The following CMSS1 variants were observed in gnomAD, a reference collection of about 807,000 sequenced individuals.
CMSS1 encodes cms1 ribosomal small subunit homolog.
A neutral mutation model predicts 43.5 loss-of-function variants in CMSS1; 33 were observed. The observed-to-expected ratio is 0.76, with a 90% confidence interval of 0.57 to 1.01. CMSS1 has a LOEUF of 1.01. Ranked by LOEUF, CMSS1 falls within the 50% of genes least tolerant of loss-of-function variation. CMSS1 has a pLI of 0.00. For missense variants in CMSS1, 313 were observed against 326.4 expected (o/e 0.96, Z 0.32); for synonymous variants, 115 against 117.2 (o/e 0.98, Z 0.12).
In CMSS1 at chr3:100,178,364, A is replaced by G. The variant is rs1304538974; in HGVS notation, c.816A>G (p.Glu272=). Residue 272 remains glutamate (E), a synonymous_variant, in exon 10 of 10, where the codon GAA becomes GAG. Coordinates refer to ENST00000421999, the MANE Select transcript of CMSS1 (RefSeq NM_032359.4). ...EMGVLSLCKS[E]SLKLGLF The stretch of plus-strand genomic sequence containing the variant: ...GAGTGCTCAGTCTGTGCAAGTCAGA[A>G]TCCTTGAAACTGGGCCTTTTCTAAG... The G allele has an allele frequency of 5.0e-6, 8 of 1,612,738 alleles. No individual in the cohort carries two copies. Among genetic ancestry groups the G allele is most frequent in the East Asian group, 4.5e-5 (2 of 44,858 alleles).
At chr3:99,856,386 G>A (rs1481863785) in intron 1 of CMSS1, among the ~76,000 whole-genome samples, 1 of 152,056 alleles carries the variant, frequency 6.6e-6, no homozygotes, top group African/African-American at 2.4e-5. Flanking sequence ...TACCCTCAGG[G>A]GTACATGTAC....
intron 1 of CMSS1, among the ~76,000 whole-genome samples, chr3:100,009,428 A>T (rs1430558732): frequency 2.6e-5 from 4 of 152,178 alleles, no homozygotes; most frequent in African/African-American, 9.6e-5. Flanking sequence ...GCAGTCAAAG[A>T]CATTAATGGA....
At chr3:99,938,474 G>T (rs1707758655) in intron 1 of CMSS1, among the ~76,000 whole-genome samples, 1 of 152,168 alleles carries the variant, frequency 6.6e-6, no homozygotes, top group South Asian at 2.1e-4. Context: ...AACAAAGCTG[G>T]GAGTGATCCA....
chr3:99,904,233 T>C (rs1003230134), intron 1 of CMSS1, among the ~76,000 whole-genome samples: 11 of 152,250 alleles, frequency 7.2e-5, no homozygotes, highest in Non-Finnish European at 4.4e-5. Context: ...ATAGGCCAGA[T>C]TGTTTCACCA....
chr3:100,024,515 G>T (rs141902553), intron 1 of CMSS1, among the ~76,000 whole-genome samples: 1 of 152,048 alleles, frequency 6.6e-6, no homozygotes, highest in Non-Finnish European at 1.5e-5. Flanking sequence ...ACTATTCAAT[G>T]TACCTTTCAT....
At chr3:100,083,708 C>G (rs1576035927) in intron 1 of CMSS1, among the ~76,000 whole-genome samples, 3 of 152,222 alleles carry the variant, frequency 2.0e-5, no homozygotes, top group South Asian at 4.2e-4. Flanking sequence ...TTTTCAACTT[C>G]ATAAAAAAAA....
intron 1 of CMSS1, among the ~76,000 whole-genome samples, chr3:100,136,659 A>G (rs2107503466): frequency 6.6e-6 from 1 of 152,248 alleles, no homozygotes; most frequent in East Asian, 1.9e-4. Context: ...AGGAGGGAAA[A>G]CCTGAGCTGA....
chr3:100,049,188 A>G (rs901303723), intron 1 of CMSS1, among the ~76,000 whole-genome samples: 6 of 152,214 alleles, frequency 3.9e-5, no homozygotes, highest in Non-Finnish European at 7.3e-5. Context: ...TTGGGAACAC[A>G]TATCTTCTCT....
intron 1 of CMSS1, among the ~76,000 whole-genome samples, chr3:99,824,307 A>G (rs1372739096): frequency 6.6e-6 from 1 of 152,188 alleles, no homozygotes; most frequent in Non-Finnish European, 1.5e-5. Context: ...TAGAGTAACT[A>G]TCTAGGTGCT....
chr3:99,851,038 G>C, intron 1 of CMSS1: 2 of 1,597,272 alleles, frequency 1.3e-6, no homozygotes, highest in South Asian at 2.3e-5. Context: ...CTCCTCCTGA[G>C]ACTTGATTTC....
chr3:100,089,076 T>G (rs1200555394), intron 1 of CMSS1, among the ~76,000 whole-genome samples: 1 of 152,154 alleles, frequency 6.6e-6, no homozygotes, highest in Non-Finnish European at 1.5e-5. Context: ...AAGGCATCAG[T>G]GAGGATCATT....
chr3:100,102,093 G>A (rs1189236294), intron 1 of CMSS1, among the ~76,000 whole-genome samples: 1 of 152,194 alleles, frequency 6.6e-6, no homozygotes, highest in African/African-American at 2.4e-5. Context: ...GTGTGCATGT[G>A]TCTTTATAGC....
At chr3:99,834,455 G>A (rs570945165) in intron 1 of CMSS1, among the ~76,000 whole-genome samples, 1 of 152,124 alleles carries the variant, frequency 6.6e-6, no homozygotes, top group Non-Finnish European at 1.5e-5. Flanking sequence ...CAGCAGTGGG[G>A]GCAATCCAAG....
intron 1 of CMSS1, among the ~76,000 whole-genome samples, chr3:100,131,077 G>A (rs548247915): frequency 2.0e-5 from 3 of 152,336 alleles, no homozygotes; most frequent in South Asian, 2.1e-4. Context: ...ATTCACTTGT[G>A]TGCCAGACTG....
chr3:99,978,346 C>A (rs1709027354), intron 1 of CMSS1, among the ~76,000 whole-genome samples: 1 of 152,182 alleles, frequency 6.6e-6, no homozygotes, highest in African/African-American at 2.4e-5. Flanking sequence ...AGGCTTATTG[C>A]AGCACTATTC....
chr3:99,983,389 A>AATATTTATATATATAT, intron 1 of CMSS1, among the ~76,000 whole-genome samples: 1 of 40,800 alleles, frequency 2.5e-5, no homozygotes, highest in South Asian at 7.0e-4. Context: ...TAAATAAATA[A>AATATTTATATATATAT]ATATATATAT....
At chr3:99,952,907 C>T (rs1462109915) in intron 1 of CMSS1, among the ~76,000 whole-genome samples, 1 of 152,012 alleles carries the variant, frequency 6.6e-6, no homozygotes, top group African/African-American at 2.4e-5. Context: ...AGGTATACCC[C>T]CAAAATGGGC....
At chr3:100,116,523 C>T (rs1399664620) in intron 1 of CMSS1, among the ~76,000 whole-genome samples, 1 of 152,144 alleles carries the variant, frequency 6.6e-6, no homozygotes, top group African/African-American at 2.4e-5. Flanking sequence ...AGAAGACCTC[C>T]ATCCATTATG....
intron 1 of CMSS1, among the ~76,000 whole-genome samples, chr3:99,971,172 CT>C (rs1708807749): frequency 6.6e-6 from 1 of 152,058 alleles, no homozygotes; most frequent in South Asian, 2.1e-4. Context: ...CCCGTCTCTA[CT>C]AAAAATACAA....
Sources: allele counts gnomAD v4.1 joint callset (sites outside exome capture counted in the v4.1 genomes callset), GRCh38; gene constraint gnomAD v4.1.1; transcripts MANE v1.5; gene names NCBI Gene and HGNC (gene_info 2026-07-23, HGNC 2026-07-21).